Variants in GLI2 observed in about 807,000 individuals in gnomAD.
The protein encoded by GLI2 is transcription activator GLI2.
A neutral mutation model predicts 78.9 loss-of-function variants in GLI2; 22 were observed. The observed-to-expected ratio is 0.28, with a 90% CI of 0.20 to 0.40. GLI2 has a LOEUF of 0.40. Ranked by LOEUF, GLI2 falls within the 10% of genes least tolerant of loss-of-function variation. The probability of loss-of-function intolerance (pLI) is 1.00; values close to 1 mark genes in which losing one functional copy is unlikely to be tolerated. For missense variants in GLI2, 2,097 were observed against 2,213.2 expected (o/e 0.95, Z 1.05); for synonymous variants, 974 against 963.7 (o/e 1.01, Z -0.20).
At chr2:120,857,878 T>C (rs1277166669) in intron 2 of GLI2, among the ~76,000 whole-genome samples, 1 of 152,014 alleles carries the variant, frequency 6.6e-6, no homozygotes, top group Non-Finnish European at 1.5e-5. Context: ...CTCTGCTTGT[T>C]TCTCCTCGTG....
In GLI2 at chr2:120,990,014, G is replaced by A. The variant is rs1683210979; in HGVS notation, c.4049G>A (p.Gly1350Asp). 1 of 1,608,208 alleles carries A rather than the reference G, an allele frequency of 6.2e-7. No homozygotes were observed. Among genetic ancestry groups the A allele is most frequent in the African/African-American group, 1.3e-5 (1 of 74,864 alleles). The change falls in exon 14 of 14, where the codon GGC becomes GAC. Residue 1350 changes from glycine to aspartate, a missense_variant. Around this residue, in one of 5 missense-constraint regions of GLI2, gnomAD observed 1,290 missense variants for 1,261.7 expected, o/e 1.02. Transcript: ENST00000361492. ...GPMGVATAGF[G>D]LVQPRPPLEP... Reference sequence around the variant, plus strand: ...ATGGGGGTGGCTACAGCAGGCTTTGGCCTAGTGCAGCCCCGGCCTCCCCTC... The same window carrying A: ...ATGGGGGTGGCTACAGCAGGCTTTGACCTAGTGCAGCCCCGGCCTCCCCTC...
intron 2 of GLI2, among the ~76,000 whole-genome samples, chr2:120,923,362 C>T (rs532211000): frequency 3.0e-5 from 3 of 101,664 alleles, no homozygotes; most frequent in African/African-American, 6.8e-5. Flanking sequence ...ACATACCACA[C>T]AGCATATGCA....
intron 2 of GLI2, among the ~76,000 whole-genome samples, chr2:120,831,551 C>T (rs1686360767): frequency 6.6e-6 from 1 of 152,170 alleles, no homozygotes; most frequent in Non-Finnish European, 1.5e-5. Flanking sequence ...GTACTTGATT[C>T]CTTATTATGG....
At chr2:120,947,509 G>A (rs546115706) in intron 3 of GLI2, among the ~76,000 whole-genome samples, 1 of 152,212 alleles carries the variant, frequency 6.6e-6, no homozygotes, top group Non-Finnish European at 1.5e-5. Context: ...AAGGCTTCCT[G>A]GAGGAAGTGT....
At chr2:120,801,633 A>C (rs1009613526) in intron 2 of GLI2, among the ~76,000 whole-genome samples, 1 of 152,236 alleles carries the variant, frequency 6.6e-6, no homozygotes, top group Non-Finnish European at 1.5e-5. Flanking sequence ...GGTGCAATTG[A>C]TCTCAAGCAC....
At chr2:120,815,119 T>G (rs17005236) in intron 2 of GLI2, among the ~76,000 whole-genome samples, 4,333 of 152,170 alleles carry the variant, frequency 0.028, 209 homozygotes, top group African/African-American at 0.098. Context: ...TAACCAGTCA[T>G]TGAAAATACA....
chr2:120,819,385 G>A lies in GLI2; in HGVS notation c.148+21917G>A, dbSNP rs141022013. ...CTCCCAAGTAGCTGAGATTACAGGC[G>A]TCTGCCACCATGCCTGGCTATTTTT... On this transcript the variant is annotated intron_variant, in intron 2 of 13. Coordinates refer to ENST00000361492, the MANE Select transcript of GLI2 (RefSeq NM_001374353.1). Among the ~76,000 whole-genome samples, 580 of 151,848 alleles carry A rather than the reference G, an allele frequency of 3.8e-3. 6 individuals are homozygous for A. The highest frequency in any genetic ancestry group is 0.013 in the African/African-American group (558 of 41,390).
intron 2 of GLI2, among the ~76,000 whole-genome samples, chr2:120,849,432 A>T (rs1398664180): frequency 3.9e-5 from 6 of 152,152 alleles, no homozygotes; most frequent in Non-Finnish European, 8.8e-5. Context: ...TTTATCTTTT[A>T]TGCCAATAGT....
At chr2:120,762,662 C>G (rs934901018) in intron 1 of GLI2, among the ~76,000 whole-genome samples, 3 of 152,162 alleles carry the variant, frequency 2.0e-5, no homozygotes, top group Non-Finnish European at 4.4e-5. Context: ...TCGAGAGCGT[C>G]GAGGGCCTGC....
chr2:120,983,184 C>G (rs1027052271), intron 11 of GLI2, among the ~76,000 whole-genome samples: 2 of 152,170 alleles, frequency 1.3e-5, no homozygotes, highest in African/African-American at 4.8e-5. Flanking sequence ...CAAAGGCCAT[C>G]ATGAGGTCCT....
At chr2:120,776,612 G>A (rs1334676158) in intron 1 of GLI2, among the ~76,000 whole-genome samples, 1 of 152,152 alleles carries the variant, frequency 6.6e-6, no homozygotes, top group East Asian at 1.9e-4. Context: ...CCCAGTAAGA[G>A]GGTGGAATGC....
At position 120,989,375 on chromosome 2, in the gene GLI2, T is replaced by G. The variant is rs755789095; in HGVS notation, c.3410T>G (p.Val1137Gly). Residue 1137 changes from valine to glycine, a missense_variant, in exon 14 of 14, where the codon GTA (valine) becomes GGA (glycine). Physicochemically the swap from Val to Gly is moderately radical, Grantham distance 109. Around this residue, in one of 5 missense-constraint regions of GLI2, gnomAD observed 1,290 missense variants for 1,261.7 expected, o/e 1.02. Transcript: ENST00000361492. ...VQWNEVSSGT[V>G]DALASQVKPP... ...TGGAATGAGGTGAGCTCCGGCACCG[T>G]AGACGCCCTGGCCAGCCAGGTGAAG... is the stretch of plus-strand genomic sequence containing the variant. 1.4e-5 allele frequency: 23 copies of G among 1,612,882 alleles called. No individual in the cohort carries two copies. Among genetic ancestry groups the G allele is most frequent in the Non-Finnish European group, 1.9e-5 (22 of 1,179,982 alleles).
chr2:120,949,844 T>TTGTAC (rs1481455481), intron 3 of GLI2, among the ~76,000 whole-genome samples: 1 of 152,186 alleles, frequency 6.6e-6, no homozygotes, highest in Admixed American at 6.5e-5. Flanking sequence ...GGGTCCTGGT[T>TTGTAC]TGTACTGTAC....
At chr2:120,981,514 GTTATTTTC>G (rs1240286130) in intron 10 of GLI2, among the ~76,000 whole-genome samples, 1 of 152,152 alleles carries the variant, frequency 6.6e-6, no homozygotes, top group Non-Finnish European at 1.5e-5. Flanking sequence ...ATTGCAACAA[GTTATTTTC>G]TTAACATCCT....
At chr2:120,936,675 C>T (rs1291777811) in intron 3 of GLI2, among the ~76,000 whole-genome samples, 2 of 152,176 alleles carry the variant, frequency 1.3e-5, no homozygotes, top group Non-Finnish European at 2.9e-5. Context: ...TAATCACTAA[C>T]AGTAAAGTTT....
At chr2:120,950,634 A>G (rs1680934059) in intron 3 of GLI2, among the ~76,000 whole-genome samples, 1 of 152,204 alleles carries the variant, frequency 6.6e-6, no homozygotes, top group Non-Finnish European at 1.5e-5. Flanking sequence ...AAGGAGAACG[A>G]GGAGATATTC....
chr2:120,841,888 T>TGTGTGTGA (rs768879101), intron 2 of GLI2, among the ~76,000 whole-genome samples: 5 of 150,904 alleles, frequency 3.3e-5, no homozygotes, highest in African/African-American at 9.7e-5. Context: ...TGTGTGTGTG[T>TGTGTGTGA]GATGCTGGGC....
At chr2:120,782,940 C>A (rs1251295265) in intron 1 of GLI2, among the ~76,000 whole-genome samples, 1 of 152,168 alleles carries the variant, frequency 6.6e-6, no homozygotes, top group Non-Finnish European at 1.5e-5. Context: ...ATGAGGCTCC[C>A]CTACCTGGTG....
In GLI2 at chr2:120,931,363, C is replaced by T. The variant is rs949889961; in HGVS notation, c.254+3897C>T. Among the ~76,000 whole-genome samples the T allele has an allele frequency of 3.3e-5, 5 of 152,228 alleles. No individual in the cohort carries two copies. In the South Asian group the frequency reaches 8.3e-4, roughly 25 times the overall value. ...TGTGGGAGTTTTCTCCCCTGCTTCT[C>T]TCTTCTAAGGACACCTGCTATTGCC... is the stretch of plus-strand genomic sequence containing the variant. On this transcript the variant is annotated intron_variant, in intron 3 of 13. Coordinates refer to ENST00000361492, the MANE Select transcript of GLI2 (RefSeq NM_001374353.1).
Sources: gnomAD v4.1 joint callset for allele counts (sites outside exome capture counted in the v4.1 genomes callset) on GRCh38, gnomAD v4.1.1 for gene constraint, gnomAD v4.1.1 regional missense constraint, MANE v1.5 for transcripts, NCBI Gene and HGNC (gene_info 2026-07-23, HGNC 2026-07-21) for gene names.